The following WWP2 variants were observed in gnomAD, a reference collection of about 807,000 sequenced individuals.
WWP2 encodes NEDD4-like E3 ubiquitin-protein ligase WWP2.
Under a neutral mutation model 121.0 loss-of-function variants are expected in WWP2, and 57 were observed. The ratio of observed to expected loss-of-function variants is 0.47; its 90% CI spans 0.38 to 0.59. The LOEUF is 0.59. Among genes scored for constraint, WWP2 ranks in the 20% least tolerant of loss-of-function variants. The pLI is 0.00. For missense variants in WWP2, 962 were observed against 1,158.9 expected, an observed-to-expected ratio of 0.83 and a Z score of 2.47; for synonymous variants, 449 against 441.3, an observed-to-expected ratio of 1.02 and a Z score of -0.22.
At chr16:69,838,774 G>C (rs2056922684) in intron 4 of WWP2, 2 of 985,396 alleles carry the variant, frequency 2.0e-6, no homozygotes, top group South Asian at 9.4e-5. Context: ...AAGGCCCTCA[G>C]TGGAACTGGC....
chr16:69,785,825 T>C (rs1017168289), intron 1 of WWP2, among the ~76,000 whole-genome samples: 1 of 151,836 alleles, frequency 6.6e-6, no homozygotes, highest in African/African-American at 2.4e-5. Flanking sequence ...TGGGGTTTCA[T>C]CATTATGGCC....
chr16:69,841,685 G>T (rs1290932914), intron 5 of WWP2, among the ~76,000 whole-genome samples: 1 of 147,144 alleles, frequency 6.8e-6, no homozygotes, highest in East Asian at 2.3e-4. Context: ...CCCCTACTTT[G>T]CATGGTTAGG....
chr16:69,766,340 T>A (rs755196485), intron 1 of WWP2, among the ~76,000 whole-genome samples: 23 of 152,150 alleles, frequency 1.5e-4, no homozygotes, highest in Non-Finnish European at 2.9e-4. Context: ...CTTGTCTCCC[T>A]CTTCCACCCT....
intron 8 of WWP2, among the ~76,000 whole-genome samples, chr16:69,894,157 C>A (rs2058072216): frequency 6.6e-6 from 1 of 150,946 alleles, no homozygotes; most frequent in Non-Finnish European, 1.5e-5. Flanking sequence ...CTCATGGCAG[C>A]CTCAAATTCC....
At chr16:69,866,279 TTTATTTATTTA>T (rs2057522078) in intron 6 of WWP2, among the ~76,000 whole-genome samples, 1 of 15,626 alleles carries the variant, frequency 6.4e-5, no homozygotes, top group Admixed American at 7.1e-4. Context: ...ATTTTATTTA[TTTATTTATTTA>T]TTTATTTATT....
intron 16 of WWP2, 56 bp downstream of exon 16, chr16:69,931,946 A>C (rs1407838010): frequency 4.0e-6 from 6 of 1,515,078 alleles, no homozygotes; most frequent in Non-Finnish European, 5.4e-6. Context: ...AGGCTACAGC[A>C]TCAATGGCCA....
rs201082035 is a variant in WWP2 at position 69,935,933 on chromosome 16, G to A, written c.1923G>A (p.Leu641=). 118 of 1,613,930 alleles carry A rather than the reference G, an allele frequency of 7.3e-5. No individual in the cohort carries two copies. Among genetic ancestry groups the A allele is most frequent in the Middle Eastern group, 1.6e-4 (1 of 6,084 alleles). ...GGATGCTCAATAAGAGACCAACCCT[G>A]AAAGACCTGGAGTCCATTGACCCTG... ...YKRMLNKRPT[L]KDLESIDPEF... is the part of the protein sequence containing the mutation. The change falls in exon 18 of 24, where the codon CTG becomes CTA. Residue 641 remains leucine (L), a synonymous_variant. Coordinates refer to ENST00000359154, the MANE Select transcript of WWP2 (RefSeq NM_001270454.2). The surrounding 1 kb of genome is among the most constrained non-coding windows in gnomAD (Gnocchi z 5.2).
chr16:69,803,064 TG>T (rs2056203730), intron 4 of WWP2, among the ~76,000 whole-genome samples: 1 of 152,008 alleles, frequency 6.6e-6, no homozygotes, highest in African/African-American at 2.4e-5. Context: ...TATTGTACCT[TG>T]GCATATATTG....
intron 6 of WWP2, among the ~76,000 whole-genome samples, chr16:69,865,143 A>T (rs1438155834): frequency 6.6e-6 from 1 of 151,352 alleles, no homozygotes; most frequent in Non-Finnish European, 1.5e-5. Context: ...TCCACCTCCC[A>T]AGCTCAAGCC....
At chr16:69,907,403 T>G (rs949204761) in intron 8 of WWP2, among the ~76,000 whole-genome samples, 1 of 152,210 alleles carries the variant, frequency 6.6e-6, no homozygotes, top group Admixed American at 6.5e-5. Flanking sequence ...AATTTGCATT[T>G]TCAAAGCAAG....
chr16:69,905,345 G>A (rs2058273645), intron 8 of WWP2, among the ~76,000 whole-genome samples: 1 of 152,190 alleles, frequency 6.6e-6, no homozygotes, highest in Non-Finnish European at 1.5e-5. Context: ...AGCCCTCCTA[G>A]TGGTGCAAAA....
intron 6 of WWP2, among the ~76,000 whole-genome samples, chr16:69,846,439 G>C (rs1340023595): frequency 6.6e-6 from 1 of 152,180 alleles, no homozygotes; most frequent in Non-Finnish European, 1.5e-5. Flanking sequence ...AATGGATGGG[G>C]CTGGGTGTGG....
chr16:69,789,981 G>C (rs1023625929), intron 2 of WWP2, among the ~76,000 whole-genome samples: 1 of 152,158 alleles, frequency 6.6e-6, no homozygotes, highest in Non-Finnish European at 1.5e-5. Context: ...GGTGGCTCAC[G>C]CCTGTAATCC....
rs9936451 is a variant in WWP2 at position 69,762,984 on chromosome 16, C to G, written c.-16+593C>G. On this transcript the variant is annotated intron_variant, in intron 1 of 23. Transcript: ENST00000359154. ...TAGTCCTGCGTGGGTAGGGTTTCCA[C>G]TTCTTGGGAGCCTAGCCCTTCAGCT... 1.9e-3 allele frequency among the ~76,000 whole-genome samples: 293 copies of G among 152,234 alleles called. 2 individuals carry two copies. Among genetic ancestry groups the G allele is most frequent in the African/African-American group, 6.6e-3 (276 of 41,526 alleles).
Position 69,939,016 on chromosome 16 carries a change from C to T in WWP2, c.2344-11C>T, listed in dbSNP as rs778276485. On this transcript the variant is annotated splice_polypyrimidine_tract_variant and intron_variant, in intron 21 of 23. Coordinates refer to ENST00000359154, the MANE Select transcript of WWP2 (RefSeq NM_001270454.2). The stretch of plus-strand genomic sequence containing the variant: ...GGTTGCCTGACTGTGCCTTGACTTG[C>T]GGACTTCCAGGTGGTGAAGGAGATG... 1.2e-5 allele frequency: 19 copies of T among 1,593,106 alleles called. No individual in the cohort carries two copies. Among genetic ancestry groups the T allele is most frequent in the African/African-American group, 2.7e-5 (2 of 74,604 alleles).
chr16:69,909,659 T>C (rs1400316339), intron 9 of WWP2: 10 of 985,308 alleles, frequency 1.0e-5, no homozygotes, highest in Admixed American at 6.2e-5. Context: ...CCACTTTGAC[T>C]TGAAGTCAAA....
At chr16:69,930,095 G>A in intron 12 of WWP2, 35 bp from the exon 13 acceptor site, 2 of 1,613,482 alleles carry the variant, frequency 1.2e-6, no homozygotes, top group Non-Finnish European at 1.7e-6. Context: ...AGAAGGTGGG[G>A]CCAGCCCTTC....
intron 8 of WWP2, among the ~76,000 whole-genome samples, chr16:69,903,981 A>G (rs1350915896): frequency 6.6e-6 from 1 of 152,222 alleles, no homozygotes; most frequent in Non-Finnish European, 1.5e-5. Flanking sequence ...GGATGCAGCT[A>G]AATTCTTCGG....
At chr16:69,864,937 A>C (rs1035048947) in intron 6 of WWP2, among the ~76,000 whole-genome samples, 4 of 151,500 alleles carry the variant, frequency 2.6e-5, no homozygotes, top group African/African-American at 9.7e-5. Flanking sequence ...ATCCTGATAG[A>C]TATGTAATGA....
Sources: allele counts gnomAD v4.1 joint callset (sites outside exome capture counted in the v4.1 genomes callset), GRCh38; gene constraint gnomAD v4.1.1; non-coding constraint Gnocchi (gnomAD v3.1); transcripts MANE v1.5; gene names NCBI Gene and HGNC (gene_info 2026-07-23, HGNC 2026-07-21).